Variants in CAB39 observed in about 807,000 individuals in gnomAD.
CAB39 encodes calcium binding protein 39.
In CAB39, 8 loss-of-function variants were observed where a neutral mutation model predicts 40.0. That is an observed-to-expected ratio of 0.20 (90% CI 0.12 to 0.36). The LOEUF is 0.36. Among genes scored for constraint, CAB39 ranks in the 10% least tolerant of loss-of-function variants. CAB39 has a pLI of 1.00. For synonymous variants in CAB39, 156 were observed against 141.6 expected (o/e 1.10, Z -0.72); for missense variants, 270 against 401.1 (o/e 0.67, Z 2.79).
intron 1 of CAB39, among the ~76,000 whole-genome samples, chr2:230,745,235 T>A (rs907153430): frequency 6.6e-6 from 1 of 152,242 alleles, no homozygotes; most frequent in Non-Finnish European, 1.5e-5. Context: ...AATAGGTATA[T>A]CTAGTTTTAG....
intron 1 of CAB39, among the ~76,000 whole-genome samples, chr2:230,715,817 C>T (rs1694339185): frequency 1.3e-5 from 2 of 152,172 alleles, no homozygotes; most frequent in African/African-American, 4.8e-5. Flanking sequence ...ATCCTCTCAC[C>T]TCAGCCTCCT....
In CAB39 at chr2:230,793,215, C is replaced by A; in HGVS notation, c.282C>A (p.Gly94=). The change falls in exon 4 of 9, where the codon GGC becomes GGA. Residue 94 remains glycine (G), a splice_region_variant and synonymous_variant. Transcript: ENST00000258418. ...VADLQLIDFE[G]KKDVAQIFNN... is the part of the protein sequence containing the mutation. ...GTTAATGATTGTATTCCTAATAGGG[C>A]AAAAAAGACGTGGCTCAAATTTTCA... 1 of 1,593,950 alleles carries A rather than the reference C, an allele frequency of 6.3e-7. No individual in the cohort carries two copies. Among genetic ancestry groups the A allele is most frequent in the Non-Finnish European group, 8.6e-7 (1 of 1,163,722 alleles).
At chr2:230,803,014 C>T (rs756977932) in intron 5 of CAB39, among the ~76,000 whole-genome samples, 11 of 152,196 alleles carry the variant, frequency 7.2e-5, no homozygotes, top group Non-Finnish European at 1.3e-4. Flanking sequence ...CAATGAAATA[C>T]TGGCGAACTG....
chr2:230,737,077 G>T (rs776064007), intron 1 of CAB39, among the ~76,000 whole-genome samples: 7 of 152,144 alleles, frequency 4.6e-5, no homozygotes, highest in Non-Finnish European at 8.8e-5. Flanking sequence ...TGGAGTCCAG[G>T]TTAGTGTTTT....
At chr2:230,728,787 A>AT in intron 1 of CAB39, among the ~76,000 whole-genome samples, 1 of 152,172 alleles carries the variant, frequency 6.6e-6, no homozygotes, top group Non-Finnish European at 1.5e-5. Context: ...AATTTTTTAA[A>AT]TTTTTTGTGG....
chr2:230,742,443 G>C (rs1271582284), intron 1 of CAB39, among the ~76,000 whole-genome samples: 1 of 152,108 alleles, frequency 6.6e-6, no homozygotes, highest in Non-Finnish European at 1.5e-5. Flanking sequence ...CCACAGTGCT[G>C]GGATTACAGG....
At chr2:230,727,363 C>CGTGTGTGT (rs10542723) in intron 1 of CAB39, among the ~76,000 whole-genome samples, 1,411 of 126,910 alleles carry the variant, frequency 0.011, 21 homozygotes, top group African/African-American at 0.032. Context: ...GATTGTTAAC[C>CGTGTGTGT]GTGTGTGTGT....
intron 1 of CAB39, among the ~76,000 whole-genome samples, chr2:230,736,867 C>A (rs1694796004): frequency 6.6e-6 from 1 of 152,080 alleles, no homozygotes; most frequent in Non-Finnish European, 1.5e-5. Context: ...TTCTGATGCT[C>A]TGGAGCTGTG....
At chr2:230,750,593 A>G (rs1695068588) in intron 1 of CAB39, among the ~76,000 whole-genome samples, 1 of 151,788 alleles carries the variant, frequency 6.6e-6, no homozygotes, top group South Asian at 2.1e-4. Context: ...ACTTCTCCAT[A>G]TGTAGTTCTC....
intron 1 of CAB39, among the ~76,000 whole-genome samples, chr2:230,727,400 A>G (rs1036195594): frequency 4.5e-3 from 280 of 61,946 alleles, no homozygotes; most frequent in African/African-American, 0.018. Flanking sequence ...GTGTGTGTGT[A>G]TTTTTTTTTC....
In CAB39 at chr2:230,715,343, C is replaced by G. The variant is rs578203881; in HGVS notation, c.-44+2113C>G. Reference sequence around the variant, plus strand: ...TCTTGTTTGAAGTATGTTTCTTTCTCTGTAAGACTTGGATCCTCTTGCTTG... The same window carrying G: ...TCTTGTTTGAAGTATGTTTCTTTCTGTGTAAGACTTGGATCCTCTTGCTTG... On this transcript the variant is annotated intron_variant, in intron 1 of 8. Transcript: ENST00000258418. 5.3e-5 allele frequency among the ~76,000 whole-genome samples: 8 copies of G among 152,312 alleles called. 1 individual carries two copies. In the South Asian group the frequency reaches 8.3e-4, roughly 16 times the overall value.
At chr2:230,766,102 A>G (rs539577038) in intron 2 of CAB39, among the ~76,000 whole-genome samples, 1 of 152,322 alleles carries the variant, frequency 6.6e-6, no homozygotes, top group South Asian at 2.1e-4. Context: ...CGAAGAGAGT[A>G]CTGAGACCTG....
At chr2:230,734,894 T>C (rs1694759455) in intron 1 of CAB39, among the ~76,000 whole-genome samples, 1 of 152,216 alleles carries the variant, frequency 6.6e-6, no homozygotes, top group African/African-American at 2.4e-5. Context: ...CTGTTCTGCA[T>C]TATTAGTCTG....
At chr2:230,810,786 C>A (rs1175887517) in intron 6 of CAB39, among the ~76,000 whole-genome samples, 1 of 152,200 alleles carries the variant, frequency 6.6e-6, no homozygotes, top group African/African-American at 2.4e-5. Context: ...AGGCAGTTAA[C>A]CGCTTGGGGA....
intron 6 of CAB39, among the ~76,000 whole-genome samples, chr2:230,812,817 T>G (rs1037748042): frequency 1.3e-5 from 2 of 152,226 alleles, no homozygotes; most frequent in African/African-American, 4.8e-5. Context: ...CTCTGTTGAC[T>G]CTCCTGTCTG....
rs754031342 is a variant in CAB39, at chr2:230,817,800, C to A, written c.740C>A (p.Thr247Lys). Residue 247 changes from threonine to lysine, a missense_variant, in exon 8 of 9, where the codon ACA (threonine) becomes AAA (lysine). Physicochemically the swap from Thr to Lys is moderately conservative, Grantham distance 78. Transcript: ENST00000258418. ...LLDRHNFTIM[T>K]KYISKPENLK... The stretch of plus-strand genomic sequence containing the variant: ...GATAGACACAACTTCACAATTATGA[C>A]AAAATACATCAGTAAACCTGAGAAC... 6.2e-7 allele frequency: 1 copy of A among 1,611,380 alleles called. No individual in the cohort carries two copies. The highest frequency in any genetic ancestry group is 2.2e-5 in the East Asian group (1 of 44,846).
intron 5 of CAB39, chr2:230,799,222 G>T: frequency 4.9e-6 from 1 of 204,044 alleles, no homozygotes. Context: ...ACATTGTGTA[G>T]CAGTTTCTTT....
intron 1 of CAB39, among the ~76,000 whole-genome samples, chr2:230,726,377 G>T (rs1396362333): frequency 3.3e-5 from 5 of 151,438 alleles, no homozygotes; most frequent in Admixed American, 2.6e-4. Flanking sequence ...TCGCTGTGTT[G>T]GCCAGGCTGG....
intron 1 of CAB39, among the ~76,000 whole-genome samples, chr2:230,716,408 A>G (rs1306268684): frequency 6.6e-6 from 1 of 152,118 alleles, no homozygotes; most frequent in Non-Finnish European, 1.5e-5. Context: ...ATGACTAATC[A>G]CTCACAGTTT....
Sources: gnomAD v4.1 joint callset for allele counts (sites outside exome capture counted in the v4.1 genomes callset) on GRCh38, gnomAD v4.1.1 for gene constraint, MANE v1.5 for transcripts, NCBI Gene and HGNC (gene_info 2026-07-23, HGNC 2026-07-21) for gene names.